Variants in HS6ST2 observed in about 807,000 individuals in gnomAD.
HS6ST2 encodes heparan-sulfate 6-O-sulfotransferase 2.
Under a neutral mutation model 33.0 loss-of-function variants are expected in HS6ST2, and 17 were observed. The observed-to-expected ratio is 0.52, with a 90% CI of 0.35 to 0.77. The LOEUF (loss-of-function observed/expected upper bound fraction) is 0.77, where lower values mean the gene tolerates loss of function less well. Among genes scored for constraint, HS6ST2 ranks in the 30% least tolerant of loss-of-function variants. The probability of loss-of-function intolerance (pLI) is 0.01; values close to 1 mark genes in which losing one functional copy is unlikely to be tolerated. For missense variants in HS6ST2, 519 were observed against 551.7 expected, an observed-to-expected ratio of 0.94 and a Z score of 0.59; for synonymous variants, 248 against 237.1, an observed-to-expected ratio of 1.05 and a Z score of -0.42.
intron 2 of HS6ST2, among the ~76,000 whole-genome samples, chrX:132,748,523 C>T (rs908674092): frequency 2.7e-5 from 3 of 112,268 alleles, no homozygotes; most frequent in African/African-American, 9.7e-5. Context: ...CAATGACACA[C>T]ACTTGGCCAT....
chrX:132,659,700 A>G (rs2063756882), intron 4 of HS6ST2, among the ~76,000 whole-genome samples: 1 of 111,597 alleles, frequency 9.0e-6, no homozygotes, highest in Non-Finnish European at 1.9e-5. Flanking sequence ...CTCGTGAGAC[A>G]AGCTCAGATG....
chrX:132,871,305 G>A (rs1333270068), intron 2 of HS6ST2, among the ~76,000 whole-genome samples: 1 of 112,186 alleles, frequency 8.9e-6, no homozygotes, highest in Non-Finnish European at 1.9e-5. Context: ...GGAGAAATAG[G>A]AATGCTTTTA....
Position 132,900,680 on chromosome X carries a change from T to C in HS6ST2, c.947+56128A>G, listed in dbSNP as rs73239342. Reference sequence around the variant, plus strand: ...AAATATATTGTTATAGGTTTTCACATGAATAATATACCATCTAAAATGGTA... The same window carrying C: ...AAATATATTGTTATAGGTTTTCACACGAATAATATACCATCTAAAATGGTA... On this transcript the variant is annotated intron_variant, in intron 2 of 4. Coordinates refer to ENST00000370833, the MANE Select transcript of HS6ST2 (RefSeq NM_001394073.1). 6.9e-3 allele frequency among the ~76,000 whole-genome samples: 765 copies of C among 111,537 alleles called. 2 individuals carry two copies. The highest frequency in any genetic ancestry group is 0.014 in the Middle Eastern group (3 of 214).
Position 132,949,434 on chromosome X carries a change from C to A in HS6ST2, c.947+7374G>T, listed in dbSNP as rs755837807. Among the ~76,000 whole-genome samples, 10 of 110,483 alleles carry A rather than the reference C, an allele frequency of 9.1e-5. No individual in the cohort carries two copies. In the South Asian group the frequency reaches 3.9e-3, roughly 43 times the overall value. On this transcript the variant is annotated intron_variant, in intron 2 of 4. Coordinates refer to ENST00000370833, the MANE Select transcript of HS6ST2 (RefSeq NM_001394073.1). ...AGCAATTCACTCAAGTAGCTCTATA[C>A]CATACTGGTATAAAAAGAGTTCCAT...
At chrX:132,808,364 G>A (rs2065305653) in intron 2 of HS6ST2, among the ~76,000 whole-genome samples, 1 of 111,560 alleles carries the variant, frequency 9.0e-6, no homozygotes. Context: ...GTAACCGAAG[G>A]CCACAGGGCA....
At position 132,734,063 on chromosome X, in the gene HS6ST2, C is replaced by A. The variant is rs183525693; in HGVS notation, c.948-25569G>T. 2.5e-3 allele frequency among the ~76,000 whole-genome samples: 249 copies of A among 99,786 alleles called. 1 individual carries two copies. The highest frequency in any genetic ancestry group is 8.8e-3 in the African/African-American group (238 of 27,075). 86.7% of individuals were successfully genotyped at this position (99,786 alleles called of 115,157 possible). A position where few individuals can be genotyped will look rare whatever the true frequency, so the allele number is the denominator to read the frequency against. ...GCTTAACTACTAATCCTCTGACTCC[C>A]TGAGACAATGAAAACTCCATACTAG... is the stretch of plus-strand genomic sequence containing the variant. On this transcript the variant is annotated intron_variant, in intron 2 of 4. Transcript: ENST00000370833.
intron 2 of HS6ST2, among the ~76,000 whole-genome samples, chrX:132,732,357 T>C (rs1485385944): frequency 9.0e-6 from 1 of 111,724 alleles, no homozygotes; most frequent in Non-Finnish European, 1.9e-5. Flanking sequence ...GTTTTGGTTC[T>C]CTGTCTTAAG....
At chrX:132,653,448 A>G (rs978219933) in intron 4 of HS6ST2, among the ~76,000 whole-genome samples, 1 of 111,958 alleles carries the variant, frequency 8.9e-6, no homozygotes, top group African/African-American at 3.2e-5. Flanking sequence ...GTATTAAATT[A>G]CCTGGAAAGG....
intron 2 of HS6ST2, among the ~76,000 whole-genome samples, chrX:132,825,288 G>A (rs1339128110): frequency 1.8e-5 from 2 of 111,955 alleles, no homozygotes; most frequent in South Asian, 3.8e-4. Context: ...ACACTGGGTT[G>A]TAAAGACCTG....
At chrX:132,797,832 T>C (rs1480270411) in intron 2 of HS6ST2, among the ~76,000 whole-genome samples, 1 of 108,331 alleles carries the variant, frequency 9.2e-6, no homozygotes, top group African/African-American at 3.4e-5. Flanking sequence ...GCCAACATGG[T>C]GAAAGCCAGT....
At chrX:132,721,395 C>T (rs2064326418) in intron 2 of HS6ST2, among the ~76,000 whole-genome samples, 3 of 111,830 alleles carry the variant, frequency 2.7e-5, no homozygotes, top group Admixed American at 1.9e-4. Flanking sequence ...AGTAGAAGCA[C>T]AACATCCCAA....
intron 2 of HS6ST2, among the ~76,000 whole-genome samples, chrX:132,804,969 A>G (rs1247666889): frequency 2.7e-5 from 3 of 111,542 alleles, no homozygotes; most frequent in African/African-American, 9.8e-5. Context: ...TACAGTGTAC[A>G]AAGAGGAAAT....
intron 2 of HS6ST2, among the ~76,000 whole-genome samples, chrX:132,866,926 C>T (rs2065991392): frequency 1.9e-5 from 2 of 105,653 alleles, no homozygotes; most frequent in African/African-American, 7.0e-5. Context: ...CGTCTGCAAA[C>T]AGGGACAATT....
At chrX:132,649,718 C>T (rs1454338011) in intron 4 of HS6ST2, among the ~76,000 whole-genome samples, 2 of 110,932 alleles carry the variant, frequency 1.8e-5, no homozygotes, top group African/African-American at 3.3e-5. Context: ...ATTAGCTGGG[C>T]GCAGTGGCGG....
intron 2 of HS6ST2, among the ~76,000 whole-genome samples, chrX:132,874,527 G>A (rs758004883): frequency 8.9e-6 from 1 of 111,733 alleles, no homozygotes; most frequent in South Asian, 3.8e-4. Flanking sequence ...AGTGAGTGGA[G>A]ATCATGCCAC....
chrX:132,845,180 C>T (rs1278076973), intron 2 of HS6ST2, among the ~76,000 whole-genome samples: 2 of 108,814 alleles, frequency 1.8e-5, no homozygotes, highest in African/African-American at 3.3e-5. Context: ...GAGATTGATT[C>T]AGAGGATCAG....
chrX:132,797,739 C>T (rs752068436), intron 2 of HS6ST2, among the ~76,000 whole-genome samples: 3 of 110,306 alleles, frequency 2.7e-5, no homozygotes, highest in Admixed American at 9.7e-5. Context: ...AGGCCGGGTG[C>T]GGTGGCTTAT....
intron 4 of HS6ST2, among the ~76,000 whole-genome samples, chrX:132,667,435 G>C (rs979062733): frequency 5.4e-5 from 6 of 112,032 alleles, no homozygotes; most frequent in African/African-American, 1.3e-4. Flanking sequence ...GTGAGATATA[G>C]ATCATTTTTT....
At chrX:132,949,979 C>T (rs957678278) in intron 2 of HS6ST2, among the ~76,000 whole-genome samples, 1 of 111,353 alleles carries the variant, frequency 9.0e-6, no homozygotes, top group Non-Finnish European at 1.9e-5. Flanking sequence ...TATCAAAGGA[C>T]ATTTAAGTGG....
Sources: allele counts gnomAD v4.1 joint callset (sites outside exome capture counted in the v4.1 genomes callset), GRCh38; gene constraint gnomAD v4.1.1; transcripts MANE v1.5; gene names NCBI Gene and HGNC (gene_info 2026-07-23, HGNC 2026-07-21).